Variants in FSTL5 observed in about 807,000 individuals in gnomAD.
FSTL5 encodes follistatin like 5.
In FSTL5, 62 loss-of-function variants were observed where a neutral mutation model predicts 89.1. That is an observed-to-expected ratio of 0.70 (90% CI 0.57 to 0.86). The LOEUF (loss-of-function observed/expected upper bound fraction) is 0.86. FSTL5 is among the 40% of genes least tolerant of loss of function. The pLI, the probability that FSTL5 is intolerant of heterozygous loss-of-function variation, is 0.00. For synonymous variants in FSTL5, 383 were observed against 346.2 expected, an observed-to-expected ratio of 1.11 and a Z score of -1.18; for missense variants, 1,057 against 1,001.6, an observed-to-expected ratio of 1.06 and a Z score of -0.75.
chr4:162,002,945 C>T (rs1736507967), intron 3 of FSTL5, among the ~76,000 whole-genome samples: 1 of 151,964 alleles, frequency 6.6e-6, no homozygotes, highest in Admixed American at 6.6e-5. Context: ...GAAATCGAGA[C>T]CACCCTGGCT....
intron 6 of FSTL5, among the ~76,000 whole-genome samples, chr4:161,741,664 T>C (rs956310541): frequency 1.3e-5 from 2 of 150,190 alleles, no homozygotes; most frequent in Admixed American, 6.7e-5. Context: ...TGGTAAGTGA[T>C]GGAGTGGAGA....
At chr4:161,729,831 G>GGAGA (rs1468842366) in intron 6 of FSTL5, among the ~76,000 whole-genome samples, 3 of 152,078 alleles carry the variant, frequency 2.0e-5, no homozygotes, top group Non-Finnish European at 4.4e-5. Flanking sequence ...AAAGATGGAG[G>GGAGA]GGTATTGTAT....
intron 7 of FSTL5, among the ~76,000 whole-genome samples, chr4:161,628,946 C>T (rs993809625): frequency 5.3e-5 from 8 of 152,148 alleles, no homozygotes; most frequent in Non-Finnish European, 1.0e-4. Context: ...ACTTTCTATA[C>T]ACTTATAATT....
chr4:162,090,487 A>G lies in FSTL5; in HGVS notation c.126+20784T>C, dbSNP rs139491966. ...ATGCACCCAACAAGCATGTGAAATAAAAGCTCAAAATCACTAAGCATTAGA... is the reference window on the plus strand; with the variant it reads ...ATGCACCCAACAAGCATGTGAAATAGAAGCTCAAAATCACTAAGCATTAGA... On this transcript the variant is annotated intron_variant, in intron 2 of 15. Transcript: ENST00000306100. Among the ~76,000 whole-genome samples, 501 of 152,232 alleles carry G rather than the reference A, an allele frequency of 3.3e-3. 3 individuals carry two copies. Among genetic ancestry groups the G allele is most frequent in the African/African-American group, 0.011 (467 of 41,542 alleles).
intron 15 of FSTL5, among the ~76,000 whole-genome samples, chr4:161,409,218 G>A (rs891037819): frequency 4.6e-5 from 7 of 152,086 alleles, no homozygotes; most frequent in Admixed American, 1.3e-4. Context: ...AGACCACACA[G>A]CAGAATCCTT....
intron 4 of FSTL5, among the ~76,000 whole-genome samples, chr4:161,845,120 T>C (rs1560877762): frequency 6.6e-6 from 1 of 152,158 alleles, no homozygotes; most frequent in African/African-American, 2.4e-5. Flanking sequence ...CTTTCCTGAG[T>C]TGAAGTGTCC....
chr4:162,018,561 C>T (rs1471070806), intron 3 of FSTL5, among the ~76,000 whole-genome samples: 2 of 151,748 alleles, frequency 1.3e-5, no homozygotes, highest in African/African-American at 2.4e-5. Flanking sequence ...CTTCCTTCAC[C>T]ATTGTTGGCA....
chr4:161,663,393 C>T (rs1337242357), intron 6 of FSTL5, among the ~76,000 whole-genome samples: 1 of 152,070 alleles, frequency 6.6e-6, no homozygotes, highest in African/African-American at 2.4e-5. Context: ...GTAAATGGAG[C>T]CATTCCAAAA....
At chr4:161,968,920 C>G (rs1304623139) in intron 3 of FSTL5, among the ~76,000 whole-genome samples, 2 of 147,266 alleles carry the variant, frequency 1.4e-5, no homozygotes, top group Non-Finnish European at 3.0e-5. Flanking sequence ...CTACTACCAC[C>G]CAAGACACAG....
chr4:161,875,970 A>G (rs779433182), intron 4 of FSTL5, among the ~76,000 whole-genome samples: 132 of 152,220 alleles, frequency 8.7e-4, no homozygotes, highest in Non-Finnish European at 1.8e-3. Flanking sequence ...ACAACCACAA[A>G]TGAAAGTCAT....
intron 4 of FSTL5, among the ~76,000 whole-genome samples, chr4:161,782,520 C>T (rs974046538): frequency 2.0e-5 from 3 of 151,880 alleles, no homozygotes; most frequent in African/African-American, 7.3e-5. Flanking sequence ...GACCTTAGTT[C>T]CTTTATCCTA....
rs72616784 is a variant in FSTL5, at chr4:161,398,503, T to C, written c.1842-12054A>G. Among the ~76,000 whole-genome samples, 687 of 152,246 alleles carry C rather than the reference T, an allele frequency of 4.5e-3. 45 individuals are homozygous for C. The East Asian group carries it at 0.12, about 26-fold the overall frequency. On this transcript the variant is annotated intron_variant, in intron 15 of 15. Coordinates refer to ENST00000306100, the MANE Select transcript of FSTL5 (RefSeq NM_020116.5). The stretch of plus-strand genomic sequence containing the variant: ...CCATCGTCCTAAAGAGAAAGAGCTA[T>C]GAGCCCTTATAAAAGGAGACTTTTC...
At chr4:161,656,590 T>A in intron 6 of FSTL5, 96 bp from the exon 7 acceptor site, 1 of 678,828 alleles carries the variant, frequency 1.5e-6, no homozygotes, top group Non-Finnish European at 2.2e-6. Flanking sequence ...GGCTTTTAAT[T>A]TGAATAAAAG....
At chr4:161,660,739 C>T (rs937397859) in intron 6 of FSTL5, among the ~76,000 whole-genome samples, 3 of 152,094 alleles carry the variant, frequency 2.0e-5, no homozygotes, top group African/African-American at 7.2e-5. Context: ...GTCTTCTGTT[C>T]CTGCATTAAT....
intron 6 of FSTL5, among the ~76,000 whole-genome samples, chr4:161,717,805 C>A (rs1038152795): frequency 6.6e-6 from 1 of 151,860 alleles, no homozygotes; most frequent in Admixed American, 6.6e-5. Context: ...AAGAAAAATT[C>A]AGTTTTTGTA....
chr4:162,149,356 T>C (rs1167708256), intron 1 of FSTL5, among the ~76,000 whole-genome samples: 3 of 151,908 alleles, frequency 2.0e-5, no homozygotes, highest in Non-Finnish European at 4.4e-5. Flanking sequence ...ACCAACCATC[T>C]GTCCAAAATA....
chr4:161,514,841 A>T (rs1169986226), intron 10 of FSTL5, among the ~76,000 whole-genome samples: 1 of 152,108 alleles, frequency 6.6e-6, no homozygotes, highest in Non-Finnish European at 1.5e-5. Context: ...AGCAAGCTAC[A>T]AGATAAATAT....
At chr4:161,626,001 T>C (rs1735304817) in intron 7 of FSTL5, among the ~76,000 whole-genome samples, 1 of 152,074 alleles carries the variant, frequency 6.6e-6, no homozygotes, top group African/African-American at 2.4e-5. Context: ...ATTTGGAAGC[T>C]TTTCTTCTGT....
intron 6 of FSTL5, among the ~76,000 whole-genome samples, chr4:161,731,663 T>G (rs958475168): frequency 6.6e-5 from 10 of 151,922 alleles, no homozygotes; most frequent in Non-Finnish European, 1.3e-4. Flanking sequence ...TATAGCACTA[T>G]GAGAATAGAC....
Sources: allele counts gnomAD v4.1 joint callset (sites outside exome capture counted in the v4.1 genomes callset), GRCh38; gene constraint gnomAD v4.1.1; transcripts MANE v1.5; gene names NCBI Gene and HGNC (gene_info 2026-07-23, HGNC 2026-07-21).